Variants in SMYD3 observed in about 807,000 individuals in gnomAD.
SMYD3 encodes SET and MYND domain containing 3, also known as histone-lysine N-methyltransferase SMYD3.
A neutral mutation model predicts 57.7 loss-of-function variants in SMYD3; 36 were observed. That is an observed-to-expected ratio of 0.62 (90% confidence interval 0.48 to 0.82). The LOEUF (loss-of-function observed/expected upper bound fraction) is 0.82. SMYD3 is among the 40% of genes least tolerant of loss of function. The pLI is 0.00. For synonymous variants in SMYD3, 211 were observed against 195.0 expected (o/e 1.08, Z -0.68); for missense variants, 515 against 538.8 (o/e 0.96, Z 0.44).
intron 1 of SMYD3, among the ~76,000 whole-genome samples, chr1:246,363,846 T>C (rs1049392642): frequency 6.6e-5 from 10 of 152,110 alleles, no homozygotes; most frequent in Admixed American, 1.3e-4. Context: ...GTTTATCTGC[T>C]GACCTTCCCT....
At chr1:246,423,222 G>A (rs796780856) in intron 1 of SMYD3, among the ~76,000 whole-genome samples, 7 of 150,984 alleles carry the variant, frequency 4.6e-5, no homozygotes, top group African/African-American at 7.3e-5. Flanking sequence ...ACTTGAACCC[G>A]GGAAACGAAG....
intron 5 of SMYD3, among the ~76,000 whole-genome samples, chr1:246,088,105 G>A (rs1020992022): frequency 6.6e-6 from 1 of 152,066 alleles, no homozygotes; most frequent in Non-Finnish European, 1.5e-5. Flanking sequence ...CTCCAGTGTA[G>A]ACTGTCCCTA....
intron 1 of SMYD3, among the ~76,000 whole-genome samples, chr1:246,392,678 C>G (rs145667396): frequency 6.6e-6 from 1 of 151,774 alleles, no homozygotes; most frequent in Non-Finnish European, 1.5e-5. Flanking sequence ...GAACTCCAGG[C>G]CTCAAGTCAT....
chr1:245,874,432 C>T (rs1485417408), intron 8 of SMYD3, among the ~76,000 whole-genome samples: 1 of 152,156 alleles, frequency 6.6e-6, no homozygotes, highest in Non-Finnish European at 1.5e-5. Context: ...GTCCCTGAGA[C>T]ACAAGTCTAG....
intron 5 of SMYD3, among the ~76,000 whole-genome samples, chr1:246,044,513 C>G (rs1322735230): frequency 6.6e-6 from 1 of 152,064 alleles, no homozygotes; most frequent in East Asian, 1.9e-4. Flanking sequence ...AAAACCAGAA[C>G]TAATTTATAG....
At chr1:246,179,242 T>G (rs1572163742) in intron 5 of SMYD3, 1 of 153,038 alleles carries the variant, frequency 6.5e-6, no homozygotes, top group African/African-American at 2.4e-5. Context: ...GTCCTTCCAC[T>G]TCAGAGTGAT....
At chr1:246,411,131 T>C (rs996006735) in intron 1 of SMYD3, among the ~76,000 whole-genome samples, 3 of 152,210 alleles carry the variant, frequency 2.0e-5, no homozygotes, top group Non-Finnish European at 2.9e-5. Flanking sequence ...CCTGGATTCA[T>C]TGATTTTTTG....
intron 5 of SMYD3, among the ~76,000 whole-genome samples, chr1:246,260,766 A>G (rs2063992316): frequency 6.6e-6 from 1 of 151,180 alleles, no homozygotes; most frequent in Non-Finnish European, 1.5e-5. Context: ...CATACAGTTT[A>G]TCTTCATGCA....
chr1:246,127,050 G>A (rs773565002), intron 5 of SMYD3, among the ~76,000 whole-genome samples: 8 of 152,054 alleles, frequency 5.3e-5, no homozygotes, highest in Admixed American at 1.3e-4. Flanking sequence ...CGTAGAGAGC[G>A]GATTCCAATG....
intron 5 of SMYD3, among the ~76,000 whole-genome samples, chr1:245,965,643 T>A (rs2058122915): frequency 6.6e-6 from 1 of 152,200 alleles, no homozygotes; most frequent in Non-Finnish European, 1.5e-5. Context: ...AAACACTTTA[T>A]ACGGTATGAT....
At chr1:246,120,572 T>C (rs2061409395) in intron 5 of SMYD3, among the ~76,000 whole-genome samples, 1 of 152,190 alleles carries the variant, frequency 6.6e-6, no homozygotes, top group African/African-American at 2.4e-5. Flanking sequence ...ATATGTCTTC[T>C]ACAAATCAAT....
chr1:246,048,998 C>T (rs1312624793), intron 5 of SMYD3, among the ~76,000 whole-genome samples: 2 of 152,010 alleles, frequency 1.3e-5, no homozygotes, highest in Non-Finnish European at 2.9e-5. Flanking sequence ...TGGCATACGA[C>T]GAGAGGATTT....
Position 245,972,796 on chromosome 1 carries a change from G to A in SMYD3, c.532-42859C>T, listed in dbSNP as rs571011932. Among the ~76,000 whole-genome samples, 8 of 152,332 alleles carry A rather than the reference G, an allele frequency of 5.3e-5. No homozygotes were observed. The South Asian group carries it at 8.3e-4, about 16-fold the overall frequency. ...TGGAGCAACACCATGGAAAGAATCC[G>A]GGCCCTGAATAACAGCATGGAGTGG... On this transcript the variant is annotated intron_variant, in intron 5 of 11. Transcript: ENST00000490107.
intron 5 of SMYD3, among the ~76,000 whole-genome samples, chr1:246,011,874 C>A (rs183146388): frequency 9.8e-4 from 149 of 152,290 alleles, no homozygotes; most frequent in African/African-American, 3.2e-3. Context: ...TTCCTCACTG[C>A]AGAAGAACTA....
At chr1:245,953,278 T>C in intron 5 of SMYD3, 1 of 1,000,074 alleles carries the variant, frequency 1.0e-6, no homozygotes. Context: ...ATTGGGAAAC[T>C]TCACTGCACA....
At position 246,133,075 on chromosome 1, in the gene SMYD3, T is replaced by C. The variant is rs139484334; in HGVS notation, c.531+194126A>G. ...CTATAATAAAAACTACAAAAAACAG[T>C]ATGGCATTTCTTAAAAAAACATAAA... On this transcript the variant is annotated intron_variant, in intron 5 of 11. Coordinates refer to ENST00000490107, the MANE Select transcript of SMYD3 (RefSeq NM_001167740.2). 1.7e-3 allele frequency among the ~76,000 whole-genome samples: 256 copies of C among 152,082 alleles called. 2 individuals carry two copies. Among genetic ancestry groups the C allele is most frequent in the African/African-American group, 5.8e-3 (242 of 41,514 alleles).
intron 5 of SMYD3, among the ~76,000 whole-genome samples, chr1:246,172,056 TA>T (rs1308604222): frequency 6.6e-6 from 1 of 152,208 alleles, no homozygotes; most frequent in Non-Finnish European, 1.5e-5. Context: ...TATACCTATG[TA>T]GAGCACTGAC....
chr1:246,466,187 G>A (rs925361003), intron 1 of SMYD3, among the ~76,000 whole-genome samples: 16 of 152,290 alleles, frequency 1.1e-4, no homozygotes, highest in Middle Eastern at 6.8e-3. Flanking sequence ...CCATTACTTG[G>A]TATATGCCCA....
At chr1:246,256,133 T>C (rs114017958) in intron 5 of SMYD3, among the ~76,000 whole-genome samples, 9,038 of 152,152 alleles carry the variant, frequency 0.059, 433 homozygotes, top group African/African-American at 0.12. Context: ...AGTTCCAAAA[T>C]TGAAGAATTT....
Sources: allele counts gnomAD v4.1 joint callset (sites outside exome capture counted in the v4.1 genomes callset), GRCh38; gene constraint gnomAD v4.1.1; transcripts MANE v1.5; gene names NCBI Gene and HGNC (gene_info 2026-07-23, HGNC 2026-07-21).